The following BNIP5 variants were observed in gnomAD, a reference collection of about 807,000 sequenced individuals.
The protein encoded by BNIP5 is protein BNIP5.
A neutral mutation model predicts 67.3 loss-of-function variants in BNIP5; 61 were observed. The observed-to-expected ratio is 0.91, with a 90% CI of 0.74 to 1.12. The LOEUF is 1.12. Among genes scored for constraint, BNIP5 ranks in the 50% most tolerant of loss-of-function variants. The probability of loss-of-function intolerance (pLI) is 0.00; values close to 1 mark genes in which losing one functional copy is unlikely to be tolerated. For synonymous variants in BNIP5, 317 were observed against 319.0 expected (o/e 0.99, Z 0.07); for missense variants, 826 against 816.3 (o/e 1.01, Z -0.14).
chr6:36,321,147 G>A lies in BNIP5; in HGVS notation c.1668+8C>T, dbSNP rs778601134. On this transcript the variant is annotated splice_region_variant and intron_variant, in intron 10 of 11. Transcript: ENST00000437635. ...GGGTTGGCCTGGGGAGGGCTGAGTG[G>A]TACTCACCTGCTGCCCCAGTTGGCC... 6.3e-6 allele frequency: 10 copies of A among 1,575,082 alleles called. No individual in the cohort carries two copies. Among genetic ancestry groups the A allele is most frequent in the Admixed American group, 1.8e-5 (1 of 55,016 alleles).
At chr6:36,322,191 G>T (rs1388249777) in intron 9 of BNIP5, 120 bp downstream of exon 9, 1 of 1,297,198 alleles carries the variant, frequency 7.7e-7, no homozygotes, top group East Asian at 2.3e-5. Context: ...GTCTCCTGGG[G>T]TCTTTGCCTG....
intron 1 of BNIP5, among the ~76,000 whole-genome samples, chr6:36,335,244 A>G (rs916105606): frequency 6.6e-6 from 1 of 152,062 alleles, no homozygotes; most frequent in African/African-American, 2.4e-5. Flanking sequence ...TGGCCGCGTT[A>G]CTCTCTAACT....
intron 2 of BNIP5, among the ~76,000 whole-genome samples, chr6:36,329,074 AG>A (rs762639093): frequency 5.9e-5 from 9 of 152,164 alleles, no homozygotes; most frequent in Admixed American, 2.0e-4. Flanking sequence ...GCACCTTGGG[AG>A]CCAGCACCCT....
Position 36,316,420 on chromosome 6 carries a change from A to G in BNIP5, c.*936T>C. 2 of 398,110 alleles carry G rather than the reference A, an allele frequency of 5.0e-6. No individual in the cohort carries two copies. Among genetic ancestry groups the G allele is most frequent in the Non-Finnish European group, 8.8e-6 (2 of 226,072 alleles). 24.7% of individuals were successfully genotyped at this position (398,110 alleles called of 1,614,324 possible). A position where few individuals can be genotyped will look rare whatever the true frequency, so the allele number is the denominator to read the frequency against. On this transcript the variant is annotated 3_prime_UTR_variant, in exon 12 of 12. Transcript: ENST00000437635. ...CTTCACCTTTGTGCAAATACAAAAA[A>G]TAGCCCTTTTCTCAAGACATGTTAC...
chr6:36,332,403 G>A (rs565194730), intron 1 of BNIP5, among the ~76,000 whole-genome samples: 3 of 152,054 alleles, frequency 2.0e-5, no homozygotes, highest in South Asian at 4.1e-4. Flanking sequence ...GTGCAATGTC[G>A]TGTCTTTATG....
chr6:36,321,187 G>C lies in BNIP5; in HGVS notation c.1636C>G (p.Leu546Val), dbSNP rs1347698412. 2.5e-6 allele frequency: 4 copies of C among 1,598,164 alleles called. No individual in the cohort carries two copies. The highest frequency in any genetic ancestry group is 2.6e-6 in the Non-Finnish European group (3 of 1,171,852). The change falls in exon 10 of 12, where the codon CTC (leucine) becomes GTC (valine). Residue 546 changes from leucine (L) to valine (V), a missense_variant. Physicochemically the swap from Leu to Val is conservative, Grantham distance 32 (BLOSUM62 1). Coordinates refer to ENST00000437635, the MANE Select transcript of BNIP5 (RefSeq NM_001010903.5). ...CCCAGTTGGCCATCCACTTCTTGGA[G>C]AAGTGCCACAAGCTTCTGGATGATG... is the stretch of plus-strand genomic sequence containing the variant. ...EIIIQKLVAL[L>V]QEVDGQLGQQ...
chr6:36,331,008 C>T (rs2127370684), intron 1 of BNIP5, among the ~76,000 whole-genome samples: 1 of 152,290 alleles, frequency 6.6e-6, no homozygotes, highest in East Asian at 1.9e-4. Context: ...AGGTGATCCG[C>T]CTGCCTCGGC....
intron 8 of BNIP5, among the ~76,000 whole-genome samples, chr6:36,322,921 A>G (rs1561882170): frequency 6.6e-6 from 1 of 152,254 alleles, no homozygotes; most frequent in African/African-American, 2.4e-5. Flanking sequence ...GTGAAAAAAC[A>G]GGCCCAGGCC....
intron 9 of BNIP5, 55 bp downstream of exon 9, chr6:36,322,256 T>C (rs1020027965): frequency 1.2e-6 from 2 of 1,607,624 alleles, no homozygotes; most frequent in Non-Finnish European, 1.7e-6. Flanking sequence ...GTGAACTCCA[T>C]GTGGAAGAGA....
chr6:36,330,830 C>T, intron 1 of BNIP5, 136 bp from the exon 2 acceptor site: 1 of 1,150,542 alleles, frequency 8.7e-7, no homozygotes, highest in Non-Finnish European at 1.2e-6. Flanking sequence ...GTGGCGCTAT[C>T]TCAGCTCACT....
In BNIP5 at chr6:36,330,086, C is replaced by A. The variant is rs140939742; in HGVS notation, c.605G>T (p.Arg202Leu). 3.7e-6 allele frequency: 6 copies of A among 1,601,484 alleles called. No homozygotes were observed. The highest frequency in any genetic ancestry group is 1.1e-5 in the South Asian group (1 of 90,358). Residue 202 changes from arginine (R) to leucine (L), a missense_variant, in exon 2 of 12, where the codon CGC (arginine) becomes CTC (leucine). Transcript: ENST00000437635. Reference sequence around the variant, plus strand: ...AACAGGCACGGTCCGCTCACCCCTGCGAGCTGGGCCCAGGTCAGCCTCCCC... The same window carrying A: ...AACAGGCACGGTCCGCTCACCCCTGAGAGCTGGGCCCAGGTCAGCCTCCCC... ...RSGEADLGPA[R>L]RGGEDSDHQS...
At position 36,317,806 on chromosome 6, in the gene BNIP5, A is replaced by AAATGAATG. The variant is rs71971570; in HGVS notation, c.1924-423_1924-416dup. Among the ~76,000 whole-genome samples the AAATGAATG allele has an allele frequency of 5.1e-3, 781 of 151,798 alleles. 2 individuals are homozygous for AAATGAATG. The highest frequency in any genetic ancestry group is 0.01 in the Middle Eastern group (3 of 294). ...AGGAGGCTGTCAATAGCTACCAGTT[A>AAATGAATG]AATGAATGAATGAATGAATGAATGA... On this transcript the variant is annotated intron_variant, in intron 11 of 11. Coordinates refer to ENST00000437635, the MANE Select transcript of BNIP5 (RefSeq NM_001010903.5).
chr6:36,334,921 G>A (rs977921890), intron 1 of BNIP5, among the ~76,000 whole-genome samples: 7 of 152,190 alleles, frequency 4.6e-5, no homozygotes, highest in Non-Finnish European at 7.3e-5. Flanking sequence ...AGTGAGCAGC[G>A]TGGTCTCACT....
chr6:36,332,709 A>G (rs59622831), intron 1 of BNIP5, among the ~76,000 whole-genome samples: 3,661 of 152,192 alleles, frequency 0.024, 153 homozygotes, highest in African/African-American at 0.08. Context: ...GACAAAAAAA[A>G]AACCTTTCCC....
intron 11 of BNIP5, among the ~76,000 whole-genome samples, chr6:36,318,932 A>G (rs964748534): frequency 2.0e-5 from 3 of 152,172 alleles, no homozygotes; most frequent in Non-Finnish European, 4.4e-5. Context: ...CTTCTTGTCT[A>G]TCTCAGCCAC....
At chr6:36,325,554 C>T (rs909444933) in intron 5 of BNIP5, 140 bp from the exon 6 acceptor site, 4 of 1,039,578 alleles carry the variant, frequency 3.8e-6, no homozygotes, top group African/African-American at 1.6e-5. Context: ...AGCTGCTGGG[C>T]AGGGCTGTGC....
chr6:36,322,499 CAAG>C, intron 8 of BNIP5, 57 bp from the exon 9 acceptor site: 1 of 1,565,944 alleles, frequency 6.4e-7, no homozygotes, highest in Non-Finnish European at 8.7e-7. Context: ...TAGTTCCTGA[CAAG>C]AAGCTGTTCG....
rs138770846 is a variant in BNIP5, at chr6:36,330,369, C to G, written c.322G>C (p.Val108Leu). Reference protein sequence around the residue: ...GWLKTMLNFFVRTGPEEPREK... With the variant: ...GWLKTMLNFFLRTGPEEPREK... ...CTGGGCTCCTCAGGGCCCGTCCTCACGAAGAAGTTCAGCATGGTCTTCAGC... is the reference window on the plus strand; with the variant it reads ...CTGGGCTCCTCAGGGCCCGTCCTCAGGAAGAAGTTCAGCATGGTCTTCAGC... The change falls in exon 2 of 12, where the codon GTG becomes CTG. Residue 108 changes from valine to leucine, a missense_variant. Val to Leu is a conservative substitution (Grantham distance 32, BLOSUM62 1). Transcript: ENST00000437635. 6.2e-7 allele frequency: 1 copy of G among 1,614,084 alleles called. No individual in the cohort carries two copies. The highest frequency in any genetic ancestry group is 8.5e-7 in the Non-Finnish European group (1 of 1,180,054).
At chr6:36,319,636 A>G in intron 10 of BNIP5, 26 bp from the exon 11 acceptor site, 1 of 1,599,742 alleles carries the variant, frequency 6.3e-7, no homozygotes. Flanking sequence ...AAAACAGGTC[A>G]TTAGTGTTGC....
Sources: gnomAD v4.1 joint callset for allele counts (sites outside exome capture counted in the v4.1 genomes callset) on GRCh38, gnomAD v4.1.1 for gene constraint, MANE v1.5 for transcripts, NCBI Gene and HGNC (gene_info 2026-07-23, HGNC 2026-07-21) for gene names.